Variants in KCTD9 observed in about 807,000 individuals in gnomAD.
The protein encoded by KCTD9 is BTB/POZ domain-containing protein KCTD9.
KCTD9 carries 17 observed loss-of-function variants against 53.3 expected under a neutral mutation model. The observed-to-expected ratio is 0.32, with a 90% CI of 0.22 to 0.48. The LOEUF (loss-of-function observed/expected upper bound fraction) is 0.48. Among genes scored for constraint, KCTD9 ranks in the 20% least tolerant of loss-of-function variants. The pLI is 0.99. For synonymous variants in KCTD9, 128 were observed against 162.7 expected, an observed-to-expected ratio of 0.79 and a Z score of 1.62; for missense variants, 179 against 465.5, an observed-to-expected ratio of 0.38 and a Z score of 5.66.
chr8:25,437,493 A>C (rs935610721), intron 6 of KCTD9, among the ~76,000 whole-genome samples: 14 of 151,940 alleles, frequency 9.2e-5, no homozygotes, highest in Non-Finnish European at 1.9e-4. Flanking sequence ...TGGCCAACAC[A>C]TGGTGAAACC....
Position 25,428,109 on chromosome 8 carries a change from T to G in KCTD9, c.*1748A>C, listed in dbSNP as rs1801871365. 1 of 152,786 alleles carries G rather than the reference T, an allele frequency of 6.5e-6. No individual in the cohort carries two copies. Among genetic ancestry groups the G allele is most frequent in the Non-Finnish European group, 1.5e-5 (1 of 68,026 alleles). 9.5% of individuals were successfully genotyped at this position (152,786 alleles called of 1,614,324 possible). The stretch of plus-strand genomic sequence containing the variant: ...TTTCTAAGCACACCATGTTTAGATC[T>G]TTCAGATCCTTCTGCAGTTTTAGGT... On this transcript the variant is annotated 3_prime_UTR_variant, in exon 12 of 12. Transcript: ENST00000221200.
chr8:25,433,337 A>G lies in KCTD9; in HGVS notation c.912T>C (p.Asn304=), dbSNP rs2117389117. 6.4e-7 allele frequency: 1 copy of G among 1,569,888 alleles called. No individual in the cohort carries two copies. The highest frequency in any genetic ancestry group is 2.2e-5 in the East Asian group (1 of 44,526). Residue 304 remains asparagine (N), a synonymous_variant, in exon 10 of 12, where the codon AAT becomes AAC. Coordinates refer to ENST00000221200, the MANE Select transcript of KCTD9 (RefSeq NM_017634.4). ...TTACAGAAAGGATCTCACCTTCTAA[A>G]TTGGCTTTAAGACCAGAAGGATCCT... ...NFEDPSGLKA[N]LEGANLKGVD... is the part of the protein sequence containing the mutation.
intron 1 of KCTD9, among the ~76,000 whole-genome samples, chr8:25,455,574 A>T (rs1454227569): frequency 1.3e-5 from 2 of 152,144 alleles, no homozygotes; most frequent in Non-Finnish European, 2.9e-5. Flanking sequence ...CCATTTCCTC[A>T]TTGTTTACTT....
chr8:25,446,027 T>A, intron 2 of KCTD9, 102 bp downstream of exon 2: 1 of 1,450,222 alleles, frequency 6.9e-7, no homozygotes, highest in East Asian at 2.3e-5. Context: ...CTTGCCAAAA[T>A]CCTGTACTCT....
chr8:25,437,273 C>A (rs144647436), intron 6 of KCTD9, among the ~76,000 whole-genome samples: 1 of 152,126 alleles, frequency 6.6e-6, no homozygotes, highest in African/African-American at 2.4e-5. Context: ...TTGTGGGCCA[C>A]GCTCTCAATT....
chr8:25,457,259 A>C (rs1357676830), intron 1 of KCTD9: 13 of 498,464 alleles, frequency 2.6e-5, no homozygotes, highest in Non-Finnish European at 3.4e-5. Context: ...CAGGCAGCAG[A>C]GTATTTTGGC....
At chr8:25,438,304 CTTTTT>C (rs34836158) in intron 6 of KCTD9, among the ~76,000 whole-genome samples, 4 of 139,264 alleles carry the variant, frequency 2.9e-5, no homozygotes. Flanking sequence ...CAAATAATAT[CTTTTT>C]TTTTTTTTTT....
At chr8:25,430,914 C>T (rs1293787508) in intron 11 of KCTD9, among the ~76,000 whole-genome samples, 1 of 151,968 alleles carries the variant, frequency 6.6e-6, no homozygotes. Context: ...ACTGCAACCT[C>T]CACCTCCAGG....
intron 6 of KCTD9, among the ~76,000 whole-genome samples, chr8:25,437,801 T>C (rs1802045646): frequency 8.2e-6 from 1 of 121,900 alleles, no homozygotes; most frequent in Non-Finnish European, 1.6e-5. Flanking sequence ...TGAGCAGAGA[T>C]CACACCATTG....
chr8:25,437,209 T>G (rs536801753), intron 6 of KCTD9, among the ~76,000 whole-genome samples: 21 of 152,292 alleles, frequency 1.4e-4, no homozygotes, highest in African/African-American at 4.8e-4. Context: ...GATTATGCCA[T>G]TCCGTTCGGA....
intron 9 of KCTD9, 71 bp downstream of exon 9, chr8:25,435,292 T>G: frequency 1.9e-6 from 2 of 1,039,488 alleles, no homozygotes; most frequent in African/African-American, 3.3e-5. Context: ...AATTCCTGTC[T>G]CAAAGGCTCT....
intron 6 of KCTD9, among the ~76,000 whole-genome samples, chr8:25,436,994 C>T (rs1802028857): frequency 6.6e-6 from 1 of 152,192 alleles, no homozygotes; most frequent in Non-Finnish European, 1.5e-5. Flanking sequence ...CATAATCCCT[C>T]CCTTCAAACA....
At chr8:25,443,667 A>G (rs1563248118) in intron 3 of KCTD9, among the ~76,000 whole-genome samples, 1 of 152,228 alleles carries the variant, frequency 6.6e-6, no homozygotes. Flanking sequence ...AACAATCGTG[A>G]GAACTACTTC....
chr8:25,443,534 T>C (rs189523322), intron 3 of KCTD9, among the ~76,000 whole-genome samples: 19 of 152,290 alleles, frequency 1.2e-4, no homozygotes, highest in African/African-American at 3.1e-4. Flanking sequence ...TAAGTGACCA[T>C]TGCCTGCCAG....
intron 1 of KCTD9, among the ~76,000 whole-genome samples, chr8:25,455,854 C>T (rs565536779): frequency 1.5e-4 from 23 of 152,096 alleles, no homozygotes; most frequent in Non-Finnish European, 2.8e-4. Flanking sequence ...CTTTCTAGAT[C>T]GGAAAAATCA....
chr8:25,450,562 G>A (rs752837527), intron 1 of KCTD9: 56 of 575,638 alleles, frequency 9.7e-5, no homozygotes, highest in East Asian at 2.9e-4. Flanking sequence ...CTGTAATGCC[G>A]GCACTTTTTG....
chr8:25,458,098 A>G, intron 1 of KCTD9, 101 bp downstream of exon 1: 3 of 1,145,982 alleles, frequency 2.6e-6, no homozygotes, highest in Non-Finnish European at 3.7e-6. Flanking sequence ...CCCACCTCCC[A>G]GCCCCTCTAC....
chr8:25,439,425 T>C lies in KCTD9; in HGVS notation c.371-18A>G. ...CCAGACACCTGTGTCACCATTATAA[T>C]AAAGAAAGTCCCCCATAAACAAAAA... On this transcript the variant is annotated intron_variant, in intron 5 of 11. Coordinates refer to ENST00000221200, the MANE Select transcript of KCTD9 (RefSeq NM_017634.4). 1 of 1,587,206 alleles carries C rather than the reference T, an allele frequency of 6.3e-7. No homozygotes were observed. The highest frequency in any genetic ancestry group is 1.2e-5 in the South Asian group (1 of 85,986).
At chr8:25,430,212 A>T (rs1334033159) in intron 11 of KCTD9, among the ~76,000 whole-genome samples, 3 of 152,208 alleles carry the variant, frequency 2.0e-5, no homozygotes, top group African/African-American at 7.2e-5. Flanking sequence ...AAGAGGAAGC[A>T]TGTCCCTTGT....
Sources: gnomAD v4.1 joint callset for allele counts (sites outside exome capture counted in the v4.1 genomes callset) on GRCh38, gnomAD v4.1.1 for gene constraint, MANE v1.5 for transcripts, NCBI Gene and HGNC (gene_info 2026-07-23, HGNC 2026-07-21) for gene names.